The following CCHCR1 variants were observed in gnomAD, a reference collection of about 807,000 sequenced individuals.
CCHCR1 encodes the protein coiled-coil alpha-helical rod protein 1.
A neutral mutation model predicts 114.6 loss-of-function variants in CCHCR1; 91 were observed. The ratio of observed to expected loss-of-function variants is 0.79; its 90% CI spans 0.67 to 0.94. The LOEUF (loss-of-function observed/expected upper bound fraction) is 0.94. Among genes scored for constraint, CCHCR1 ranks in the 40% least tolerant of loss-of-function variants. The pLI, the probability that CCHCR1 is intolerant of heterozygous loss-of-function variation, is 0.00. For synonymous variants in CCHCR1, 379 were observed against 428.5 expected (o/e 0.88, Z 1.43); for missense variants, 899 against 1,079.9 (o/e 0.83, Z 2.35).
intron 10 of CCHCR1, among the ~76,000 whole-genome samples, chr6:31,148,042 A>G (rs1452056843): frequency 6.6e-6 from 1 of 152,104 alleles, no homozygotes; most frequent in African/African-American, 2.4e-5. Flanking sequence ...AAATTTTAGA[A>G]AAAAAAAGGA....
chr6:31,151,274 C>A lies in CCHCR1; in HGVS notation c.802-152G>T. ...TGGAGAGCTGGCAACTCACTCTCCGCAGCTGCCCCACAACCCATCAGGAGT... is the reference window on the plus strand; with the variant it reads ...TGGAGAGCTGGCAACTCACTCTCCGAAGCTGCCCCACAACCCATCAGGAGT... On this transcript the variant is annotated intron_variant, in intron 4 of 17. Transcript: ENST00000396268. This position sits in a 1 kb window ranked among gnomAD's most constrained non-coding sequence, Gnocchi z 4.1. 1.3e-6 allele frequency: 1 copy of A among 750,236 alleles called. No homozygotes were observed. The highest frequency in any genetic ancestry group is 2.1e-6 in the Non-Finnish European group (1 of 467,230). The allele number at this position is 750,236 out of a possible 1,614,324, so 46.5% of individuals were successfully genotyped here. A position where few individuals can be genotyped will look rare whatever the true frequency, so the allele number is the denominator to read the frequency against.
At position 31,154,898 on chromosome 6, in the gene CCHCR1, G is replaced by C. The variant is rs1026744209; in HGVS notation, c.498-99C>G. 9.6e-6 allele frequency: 11 copies of C among 1,144,100 alleles called. No individual in the cohort carries two copies. The highest frequency in any genetic ancestry group is 3.2e-5 in the South Asian group (2 of 62,848). The allele number at this position is 1,144,100 out of a possible 1,614,324, so 70.9% of individuals were successfully genotyped here. A position where few individuals can be genotyped will look rare whatever the true frequency, so the allele number is the denominator to read the frequency against. ...AGGAGAAGGAAAAGAGGACCCCTCT[G>C]CTTCCGTGTGGGGAGGTGAAGGGGG... On this transcript the variant is annotated intron_variant, in intron 3 of 17. Transcript: ENST00000396268. This position sits in a 1 kb window ranked among gnomAD's most constrained non-coding sequence, Gnocchi z 4.1.
chr6:31,153,249 C>T (rs9263776), intron 4 of CCHCR1, among the ~76,000 whole-genome samples: 22,161 of 152,144 alleles, frequency 0.15, 1,721 homozygotes, highest in African/African-American at 0.16. Flanking sequence ...GCTGGGATTA[C>T]AGGCATGAGC....
rs908930266 is a variant in CCHCR1, at chr6:31,150,529, C to T, written c.1138G>A (p.Ala380Thr). 8.1e-6 allele frequency: 13 copies of T among 1,612,242 alleles called. No homozygotes were observed. The African/African-American group carries it at 9.3e-5, about 12-fold the overall frequency. The change falls in exon 7 of 18, where the codon GCG becomes ACG. Residue 380 changes from alanine (A) to threonine (T), a missense_variant. Transcript: ENST00000396268. The surrounding 1 kb of genome is among the most constrained non-coding windows in gnomAD (Gnocchi z 5.3). ...QEDRDSLHATAELLQVRVQSL... is the reference protein window; with the variant it reads ...QEDRDSLHATTELLQVRVQSL... ...TGCACCCGCACCTGCAGCAGCTCCG[C>T]GGTGGCATGCAGGCTGTCCCGGTCC...
rs1353548335 is a variant in CCHCR1, at chr6:31,151,950, C to A, written c.802-828G>T. ...AAATTAATTTGGGGGACATAAATGA[C>A]AAAATTTTTTAGACATAAAATACAA... On this transcript the variant is annotated intron_variant, in intron 4 of 17. Coordinates refer to ENST00000396268, the MANE Select transcript of CCHCR1 (RefSeq NM_001105564.2). This position sits in a 1 kb window ranked among gnomAD's most constrained non-coding sequence, Gnocchi z 4.1. 6.6e-6 allele frequency among the ~76,000 whole-genome samples: 1 copy of A among 152,106 alleles called. No homozygotes were observed. The highest frequency in any genetic ancestry group is 2.4e-5 in the African/African-American group (1 of 41,412).
Position 31,144,392 on chromosome 6 carries a change from G to T in CCHCR1, c.2167+295C>A. ...GTATTTTTAGTCGAGACAGGGTTTC[G>T]CCATGTTGTCCAGGCTGGCCTCAAA... is the stretch of plus-strand genomic sequence containing the variant. On this transcript the variant is annotated intron_variant, in intron 15 of 17. Transcript: ENST00000396268. The surrounding 1 kb of genome is among the most constrained non-coding windows in gnomAD (Gnocchi z 4.6). The T allele has an allele frequency of 3.3e-6, 1 of 306,456 alleles. No homozygotes were observed. The highest frequency in any genetic ancestry group is 1.2e-4 in the South Asian group (1 of 8,496). 19.0% of individuals were successfully genotyped at this position (306,456 alleles called of 1,614,324 possible). A position where few individuals can be genotyped will look rare whatever the true frequency, so the allele number is the denominator to read the frequency against.
In CCHCR1 at chr6:31,143,427, A is replaced by C. The variant is rs1304466975; in HGVS notation, c.2168-14T>G. ...GTAAGGAGACCACTACAGAGAGGCCAAGGCACAGAGGAGGCAGGTGTGAGT... is the reference window on the plus strand; with the variant it reads ...GTAAGGAGACCACTACAGAGAGGCCCAGGCACAGAGGAGGCAGGTGTGAGT... On this transcript the variant is annotated splice_polypyrimidine_tract_variant and intron_variant, in intron 15 of 17. Coordinates refer to ENST00000396268, the MANE Select transcript of CCHCR1 (RefSeq NM_001105564.2). The surrounding 1 kb of genome is among the most constrained non-coding windows in gnomAD (Gnocchi z 5.3). 1 of 1,612,250 alleles carries C rather than the reference A, an allele frequency of 6.2e-7. No individual in the cohort carries two copies. Among genetic ancestry groups the C allele is most frequent in the African/African-American group, 1.3e-5 (1 of 74,920 alleles).
chr6:31,148,385 C>T lies in CCHCR1; in HGVS notation c.1580+20G>A. The T allele has an allele frequency of 4.2e-6, 6 of 1,426,566 alleles. No homozygotes were observed. The highest frequency in any genetic ancestry group is 4.9e-6 in the Non-Finnish European group (5 of 1,023,242). 88.4% of individuals were successfully genotyped at this position (1,426,566 alleles called of 1,614,324 possible). A position where few individuals can be genotyped will look rare whatever the true frequency, so the allele number is the denominator to read the frequency against. On this transcript the variant is annotated intron_variant, in intron 10 of 17. Transcript: ENST00000396268. ...GAGGTGGCAGAAACACTACTCCACC[C>T]ACCCCTCCATCCCTGATACCTGCTG...
intron 3 of CCHCR1, among the ~76,000 whole-genome samples, chr6:31,155,644 G>A (rs2151064749): frequency 6.6e-6 from 1 of 151,346 alleles, no homozygotes; most frequent in Admixed American, 6.6e-5. Context: ...TACTTTATGA[G>A]GAGTCTGAGA....
chr6:31,149,194 C>T, intron 8 of CCHCR1: 1 of 157,670 alleles, frequency 6.3e-6, no homozygotes, highest in South Asian at 1.8e-4. Flanking sequence ...AGAATGAATG[C>T]CACGCAGGGA....
chr6:31,144,767 TCAGCCACCTTTTCTTG>T lies in CCHCR1; in HGVS notation c.2071_2086del (p.Gln691LysfsTer17). On this transcript the variant is annotated frameshift_variant, in exon 15 of 18. Coordinates refer to ENST00000396268, the MANE Select transcript of CCHCR1 (RefSeq NM_001105564.2). LOFTEE classifies it high-confidence loss of function. This position sits in a 1 kb window ranked among gnomAD's most constrained non-coding sequence, Gnocchi z 4.6. ...TTGCTCCCGCAGCCGAGTTTCCACT[TCAGCCACCTTTTCTTG>T]CAGGGCTGGGGTGAAAGTGCAGACG... is the stretch of plus-strand genomic sequence containing the variant. The T allele has an allele frequency of 6.2e-7, 1 of 1,614,000 alleles. No individual in the cohort carries two copies. Among genetic ancestry groups the T allele is most frequent in the Non-Finnish European group, 8.5e-7 (1 of 1,179,966 alleles).
rs1776071394 is a variant in CCHCR1 at position 31,156,726 on chromosome 6, C to G, written c.497+5G>C. The stretch of plus-strand genomic sequence containing the variant: ...CCTGAGAAAACGGCGTGGATGGATC[C>G]CTACCTGCCTCTCCGCCCTGGCTCC... On this transcript the variant is annotated splice_donor_5th_base_variant and intron_variant, in intron 3 of 17. Transcript: ENST00000396268. The G allele has an allele frequency of 6.2e-7, 1 of 1,608,990 alleles. No homozygotes were observed. Among genetic ancestry groups the G allele is most frequent in the East Asian group, 2.2e-5 (1 of 44,874 alleles).
Position 31,148,410 on chromosome 6 carries a change from G to T in CCHCR1, c.1575C>A (p.Val525=). 1 of 1,588,266 alleles carries T rather than the reference G, an allele frequency of 6.3e-7. No individual in the cohort carries two copies. The highest frequency in any genetic ancestry group is 8.6e-7 in the Non-Finnish European group (1 of 1,159,602). The change falls in exon 10 of 18, where the codon GTC becomes GTA. Residue 525 remains valine, a synonymous_variant. Transcript: ENST00000396268. The part of the protein sequence containing the change: ...EEQLRLVVNA[V]SSSQIWLETT... The stretch of plus-strand genomic sequence containing the variant: ...CACCCCTCCATCCCTGATACCTGCT[G>T]ACAGCATTGACCACAAGCCTCAGCT...
intron 17 of CCHCR1, 113 bp downstream of exon 17, chr6:31,142,850 G>A: frequency 6.7e-7 from 1 of 1,491,118 alleles, no homozygotes; most frequent in Admixed American, 1.9e-5. Context: ...CGCTAAAAGA[G>A]GCTAAGGGCC....
Position 31,154,196 on chromosome 6 carries a change from C to G in CCHCR1, c.801+300G>C, listed in dbSNP as rs1236353267. ...TTCCTCACTGCCCTCCACAATACCC[C>G]TGATGAATTGGTACCTGGAGTAAAG... On this transcript the variant is annotated intron_variant, in intron 4 of 17. Transcript: ENST00000396268. This position sits in a 1 kb window ranked among gnomAD's most constrained non-coding sequence, Gnocchi z 4.1. Among the ~76,000 whole-genome samples the G allele has an allele frequency of 6.6e-6, 1 of 152,126 alleles. No individual in the cohort carries two copies. The highest frequency in any genetic ancestry group is 1.9e-4 in the East Asian group (1 of 5,190).
Position 31,157,201 on chromosome 6 carries a change from C to T in CCHCR1, c.217-112G>A, listed in dbSNP as rs114364129. 2,738 of 1,040,126 alleles carry T rather than the reference C, an allele frequency of 2.6e-3. 37 individuals carry two copies. The highest frequency in any genetic ancestry group is 0.022 in the African/African-American group (1,376 of 63,610). The allele number at this position is 1,040,126 out of a possible 1,614,324, so 64.4% of individuals were successfully genotyped here. On this transcript the variant is annotated intron_variant, in intron 1 of 17. Coordinates refer to ENST00000396268, the MANE Select transcript of CCHCR1 (RefSeq NM_001105564.2). The stretch of plus-strand genomic sequence containing the variant: ...TCCTTGAATTATAGCCAGGTCCACC[C>T]GATGCTTAGCTCTTTTCCTACTTCC...
rs1775640227 is a variant in CCHCR1, at chr6:31,154,037, G to A, written c.801+459C>T. Among the ~76,000 whole-genome samples the A allele has an allele frequency of 6.6e-6, 1 of 152,202 alleles. No homozygotes were observed. Among genetic ancestry groups the A allele is most frequent in the Non-Finnish European group, 1.5e-5 (1 of 68,040 alleles). On this transcript the variant is annotated intron_variant, in intron 4 of 17. Transcript: ENST00000396268. This position sits in a 1 kb window ranked among gnomAD's most constrained non-coding sequence, Gnocchi z 4.1. ...GGATGTGTATATCCCCCACGAGGCT[G>A]TCAGTTCCATCCACGAAGGCAGGAC...
At chr6:31,156,132 C>G (rs1581976161) in intron 3 of CCHCR1, 1 of 152,406 alleles carries the variant, frequency 6.6e-6, no homozygotes, top group South Asian at 2.1e-4. Context: ...AATTAAGTGA[C>G]TTGCCAAATG....
chr6:31,151,036 CA>C lies in CCHCR1; in HGVS notation c.887del (p.Leu296ArgfsTer26), dbSNP rs1775150915. 6.2e-7 allele frequency: 1 copy of C among 1,613,102 alleles called. No homozygotes were observed. The highest frequency in any genetic ancestry group is 8.5e-7 in the Non-Finnish European group (1 of 1,180,038). On this transcript the variant is annotated frameshift_variant, in exon 5 of 18. Coordinates refer to ENST00000396268, the MANE Select transcript of CCHCR1 (RefSeq NM_001105564.2). LOFTEE classifies it high-confidence loss of function. This position sits in a 1 kb window ranked among gnomAD's most constrained non-coding sequence, Gnocchi z 4.1. ...TGGCTTCCCCTGCTCTTCTGGTTTC[CA>C]GACTACTCAGAGACTTCTCCAAGCC... is the stretch of plus-strand genomic sequence containing the variant. ...AEGLEKSLSSLETRRAGEAKE... is the reference protein window; with the variant it reads ...AEGLEKSLSSXETRRAGEAKE...
Sources: allele counts gnomAD v4.1 joint callset (sites outside exome capture counted in the v4.1 genomes callset), GRCh38; gene constraint gnomAD v4.1.1; non-coding constraint Gnocchi (gnomAD v3.1); transcripts MANE v1.5; gene names NCBI Gene and HGNC (gene_info 2026-07-23, HGNC 2026-07-21).